The following VPS33A variants were observed in gnomAD, a reference collection of about 807,000 sequenced individuals.
VPS33A encodes the protein vacuolar protein sorting-associated protein 33A.
Under a neutral mutation model 71.8 loss-of-function variants are expected in VPS33A, and 32 were observed. The ratio of observed to expected loss-of-function variants is 0.45; its 90% CI spans 0.34 to 0.60. VPS33A has a LOEUF of 0.60. Ranked by LOEUF, VPS33A falls within the 20% of genes least tolerant of loss-of-function variation. The pLI, the probability that VPS33A is intolerant of heterozygous loss-of-function variation, is 0.02. For missense variants in VPS33A, 625 were observed against 748.5 expected (o/e 0.84, Z 1.92); for synonymous variants, 311 against 292.7 (o/e 1.06, Z -0.64).
At chr12:122,232,518 A>G in intron 12 of VPS33A, 91 bp from the exon 13 acceptor site, 2 of 1,308,006 alleles carry the variant, frequency 1.5e-6, no homozygotes, top group Non-Finnish European at 2.1e-6. Flanking sequence ...ATAAGAATAA[A>G]CAAGTGCCTT....
chr12:122,261,182 G>A, intron 4 of VPS33A, 79 bp downstream of exon 4: 1 of 1,194,256 alleles, frequency 8.4e-7, no homozygotes, highest in Non-Finnish European at 1.2e-6. Context: ...CAGCTTCACA[G>A]TAATCAGTAC....
intron 3 of VPS33A, among the ~76,000 whole-genome samples, chr12:122,261,903 G>A (rs1364728441): frequency 6.6e-6 from 1 of 152,202 alleles, no homozygotes; most frequent in Non-Finnish European, 1.5e-5. Flanking sequence ...TTGGGAGGCT[G>A]AGGCAGGAGA....
intron 4 of VPS33A, among the ~76,000 whole-genome samples, chr12:122,258,440 A>G (rs1404815749): frequency 6.6e-6 from 1 of 152,106 alleles, no homozygotes. Context: ...ACAAAAGAAA[A>G]TACTTGGAAA....
rs1330459465 is a variant in VPS33A, at chr12:122,266,398, T to G, written c.11A>C (p.His4Pro). 6.2e-7 allele frequency: 1 copy of G among 1,611,230 alleles called. No homozygotes were observed. Among genetic ancestry groups the G allele is most frequent in the African/African-American group, 1.3e-5 (1 of 74,852 alleles). The change falls in exon 1 of 13, where the codon CAT becomes CCT. Residue 4 changes from histidine to proline, a missense_variant. By Grantham distance (77) the His-to-Pro change is moderately conservative. Coordinates refer to ENST00000267199, the MANE Select transcript of VPS33A (RefSeq NM_022916.6). ...TAGGTTCACTCGGCCGTAGGACAGA[T>G]GAGCCGCCATCTTGCTCCACCACCC... The part of the protein sequence containing the change: MAA[H>P]LSYGRVNLNV...
intron 2 of VPS33A, 31 bp from the exon 3 acceptor site, chr12:122,263,730 A>G (rs1054826710): frequency 6.4e-7 from 1 of 1,554,138 alleles, no homozygotes; most frequent in Non-Finnish European, 8.7e-7. Flanking sequence ...AAGGTTAACA[A>G]GAAGACTGAA....
At chr12:122,255,862 G>A (rs2136144758) in intron 4 of VPS33A, among the ~76,000 whole-genome samples, 1 of 152,208 alleles carries the variant, frequency 6.6e-6, no homozygotes, top group African/African-American at 2.4e-5. Context: ...GGAGTGCACT[G>A]GTGTGATCAC....
intron 4 of VPS33A, among the ~76,000 whole-genome samples, chr12:122,255,462 C>T (rs10744155): frequency 1 from 151,734 of 152,346 alleles, 75,564 homozygotes; most frequent in Middle Eastern, 1. Context: ...TCCCAGCACT[C>T]TGGGAGGCCG....
Position 122,266,336 on chromosome 12 carries a change from C to A in VPS33A, c.73G>T (p.Glu25Ter), listed in dbSNP as rs751898282. The A allele has an allele frequency of 6.2e-7, 1 of 1,613,194 alleles. No individual in the cohort carries two copies. The highest frequency in any genetic ancestry group is 8.5e-7 in the Non-Finnish European group (1 of 1,179,946). ...CTTCCTGCGCACTTGTCCAGGAACT[C>A]GCGCAGCTCGCGACGCACCGCCTCG... ...LREAVRRELR[E>*]FLDKCAGSKA... Residue 25 changes from glutamate to a stop codon, truncating the protein, a stop_gained, in exon 1 of 13, where the codon GAG becomes TAG. Coordinates refer to ENST00000267199, the MANE Select transcript of VPS33A (RefSeq NM_022916.6). LOFTEE classifies it high-confidence loss of function.
intron 7 of VPS33A, among the ~76,000 whole-genome samples, chr12:122,242,847 C>A (rs1343708845): frequency 6.6e-6 from 1 of 152,142 alleles, no homozygotes; most frequent in Non-Finnish European, 1.5e-5. Flanking sequence ...AGCCACCACG[C>A]CTGGCCGATA....
Position 122,242,413 on chromosome 12 carries a change from G to A in VPS33A, c.1065C>T (p.Thr355=). ...QAARGSLANH[T]SIAELIKDVT... ...CATCTTTGATCAATTCTGCAATTGA[G>A]GTATGGTTTGCAAGCGAGCCCCTTG... The change falls in exon 8 of 13, where the codon ACC becomes ACT. Residue 355 remains threonine, a synonymous_variant. Transcript: ENST00000267199. The A allele has an allele frequency of 6.2e-7, 1 of 1,614,122 alleles. No homozygotes were observed. Among genetic ancestry groups the A allele is most frequent in the Non-Finnish European group, 8.5e-7 (1 of 1,179,990 alleles).
At chr12:122,237,534 C>CTTTTTTTT (rs59918502) in intron 10 of VPS33A, among the ~76,000 whole-genome samples, 4 of 111,790 alleles carry the variant, frequency 3.6e-5, no homozygotes, top group Non-Finnish European at 5.3e-5. Context: ...TAAAGTTTTT[C>CTTTTTTTT]TTTTTTTTTT....
Position 122,262,535 on chromosome 12 carries a change from CCA to C in VPS33A, c.296+1035_296+1036del, listed in dbSNP as rs540925100. On this transcript the variant is annotated intron_variant, in intron 3 of 12. Coordinates refer to ENST00000267199, the MANE Select transcript of VPS33A (RefSeq NM_022916.6). Reference sequence around the variant, plus strand: ...TTAGGGGCTGCAACAATCAATTGTACCACAGAGTGCAGACTCGGCTGGGAGCA... The same window carrying C: ...TTAGGGGCTGCAACAATCAATTGTACCAGAGTGCAGACTCGGCTGGGAGCA... Among the ~76,000 whole-genome samples the C allele has an allele frequency of 4.3e-3, 650 of 151,934 alleles. 12 individuals carry two copies. Among genetic ancestry groups the C allele is most frequent in the Non-Finnish European group, 4.9e-3 (331 of 68,004 alleles).
At chr12:122,233,051 T>C in intron 11 of VPS33A, 83 bp from the exon 12 acceptor site, 1 of 1,371,662 alleles carries the variant, frequency 7.3e-7, no homozygotes, top group East Asian at 2.6e-5. Context: ...TAATCCAAAA[T>C]TATTTGATTT....
At chr12:122,250,853 C>T in intron 5 of VPS33A, 130 bp downstream of exon 5, 1 of 706,132 alleles carries the variant, frequency 1.4e-6, no homozygotes, top group South Asian at 1.8e-5. Context: ...AATCAGTAGG[C>T]AAATTCATGA....
chr12:122,249,951 C>G lies in VPS33A; in HGVS notation c.695G>C (p.Arg232Pro). 6.2e-7 allele frequency: 1 copy of G among 1,614,024 alleles called. No individual in the cohort carries two copies. The highest frequency in any genetic ancestry group is 8.5e-7 in the Non-Finnish European group (1 of 1,179,982). ...AAGAGGTGTTAATAAATCCACATTC[C>G]GATCAAGCAACAAGAGATTATCAAA... ...PVFDNLLLLD[R>P]NVDLLTPLAT... The change falls in exon 6 of 13, where the codon CGG (arginine) becomes CCG (proline). Residue 232 changes from arginine (R) to proline (P), a missense_variant. Transcript: ENST00000267199.
intron 8 of VPS33A, 61 bp from the exon 9 acceptor site, chr12:122,240,006 T>C: frequency 7.8e-7 from 1 of 1,285,202 alleles, no homozygotes; most frequent in South Asian, 1.2e-5. Context: ...TTGAGTGGCA[T>C]GCTTTTATAC....
At chr12:122,236,545 C>G (rs1488858081) in intron 10 of VPS33A, among the ~76,000 whole-genome samples, 2 of 152,186 alleles carry the variant, frequency 1.3e-5, no homozygotes, top group Non-Finnish European at 2.9e-5. Context: ...GAGGCTGAGG[C>G]AGGAGAATCG....
In VPS33A at chr12:122,251,068, A is replaced by G. The variant is rs1278113533; in HGVS notation, c.515T>C (p.Leu172Pro). The G allele has an allele frequency of 1.2e-6, 2 of 1,614,014 alleles. No individual in the cohort carries two copies. The highest frequency in any genetic ancestry group is 1.7e-6 in the Non-Finnish European group (2 of 1,179,896). The change falls in exon 5 of 13, where the codon CTG becomes CCG. Residue 172 changes from leucine to proline, a missense_variant. By Grantham distance (98) the Leu-to-Pro change is moderately conservative (BLOSUM62 -3). Coordinates refer to ENST00000267199, the MANE Select transcript of VPS33A (RefSeq NM_022916.6). ...CATCAGCCCCTTGGCTGCGTGGTACAGGCTCGTCTGGTCACCCTCCAGGTA... is the reference window on the plus strand; with the variant it reads ...CATCAGCCCCTTGGCTGCGTGGTACGGGCTCGTCTGGTCACCCTCCAGGTA... ...ECYLEGDQTS[L>P]YHAAKGLMTL... is the part of the protein sequence containing the mutation.
chr12:122,233,239 T>C (rs1431058870), intron 11 of VPS33A, among the ~76,000 whole-genome samples: 1 of 151,896 alleles, frequency 6.6e-6, no homozygotes, highest in African/African-American at 2.4e-5. Context: ...TTTTTTTTTT[T>C]TTTTGAGACA....
Sources: allele counts gnomAD v4.1 joint callset (sites outside exome capture counted in the v4.1 genomes callset), GRCh38; gene constraint gnomAD v4.1.1; transcripts MANE v1.5; gene names NCBI Gene and HGNC (gene_info 2026-07-23, HGNC 2026-07-21).